THNSL1: variants seen among roughly 807,000 people sequenced by gnomAD.
THNSL1 encodes threonine synthase like 1.
In THNSL1, 48 loss-of-function variants were observed where a neutral mutation model predicts 50.4. The ratio of observed to expected loss-of-function variants is 0.95; its 90% CI spans 0.76 to 1.21. The LOEUF is 1.21. Among genes scored for constraint, THNSL1 ranks in the 50% most tolerant of loss-of-function variants. THNSL1 has a pLI of 0.00. For missense variants in THNSL1, 896 were observed against 871.7 expected (o/e 1.03, Z -0.35); for synonymous variants, 309 against 306.1 (o/e 1.01, Z -0.10).
the THNSL1 span, among the ~76,000 whole-genome samples, chr10:24,974,947 A>T: frequency 6.6e-6 from 1 of 152,214 alleles, no homozygotes; most frequent in African/African-American, 2.4e-5. Flanking sequence ...TGTTTATACC[A>T]TCTATACCTA....
At chr10:24,999,781 A>T in the THNSL1 span, among the ~76,000 whole-genome samples, 1 of 152,278 alleles carries the variant, frequency 6.6e-6, no homozygotes, top group African/African-American at 2.4e-5. Context: ...TTTCCTTATT[A>T]TCCTTTGAAC....
At chr10:24,988,277 T>C in the THNSL1 span, among the ~76,000 whole-genome samples, 8 of 142,820 alleles carry the variant, frequency 5.6e-5, no homozygotes, top group Admixed American at 5.6e-4. Context: ...TATATATATG[T>C]GTATATATAT....
upstream of THNSL1, chr10:25,016,056 G>C: frequency 7.0e-7 from 1 of 1,435,842 alleles, no homozygotes; most frequent in Non-Finnish European, 9.2e-7. Flanking sequence ...AAGGACCACA[G>C]GTTCTCTCCT....
At chr10:25,001,526 A>G in the THNSL1 span, among the ~76,000 whole-genome samples, 1 of 151,948 alleles carries the variant, frequency 6.6e-6, no homozygotes, top group Non-Finnish European at 1.5e-5. Flanking sequence ...GATATTGTTC[A>G]AGCCTCATTG....
chr10:25,016,054 CA>C, upstream of THNSL1: 2 of 1,447,700 alleles, frequency 1.4e-6, no homozygotes, highest in Non-Finnish European at 1.8e-6. Context: ...TGAAGGACCA[CA>C]GGTTCTCTCC....
At chr10:25,013,719 G>A (rs369141888), upstream of THNSL1, among the ~76,000 whole-genome samples, 2 of 152,270 alleles carry the variant, frequency 1.3e-5, no homozygotes, top group East Asian at 3.9e-4. Flanking sequence ...GAGGTGGGTG[G>A]ATTACTGGAG....
intron 1 of THNSL1, among the ~76,000 whole-genome samples, chr10:25,018,241 A>T (rs920423324): frequency 2.6e-5 from 4 of 152,206 alleles, no homozygotes; most frequent in African/African-American, 7.2e-5. Context: ...TTGATCTGCA[A>T]TTCTCCTTGC....
At chr10:24,979,879 G>GC in the THNSL1 span, among the ~76,000 whole-genome samples, 1 of 151,658 alleles carries the variant, frequency 6.6e-6, no homozygotes, top group South Asian at 2.1e-4. Flanking sequence ...TGGCGGCCCC[G>GC]CCCCCGCCTC....
the THNSL1 span, among the ~76,000 whole-genome samples, chr10:25,003,722 T>C: frequency 6.6e-6 from 1 of 152,336 alleles, no homozygotes; most frequent in South Asian, 2.1e-4. Context: ...AGATTTGTTA[T>C]ATAGGTAAAC....
the THNSL1 span, chr10:24,953,325 G>A: frequency 1.3e-5 from 2 of 152,232 alleles, no homozygotes; most frequent in African/African-American, 4.8e-5. Context: ...GGGTGGCCCG[G>A]ATCTGCAGTG....
the THNSL1 span, among the ~76,000 whole-genome samples, chr10:24,954,138 TTCAC>T: frequency 6.6e-6 from 1 of 152,170 alleles, no homozygotes; most frequent in African/African-American, 2.4e-5. Context: ...AGGAACCATA[TTCAC>T]AAGCAACATC....
At chr10:25,015,764 T>C, upstream of THNSL1, 1 of 1,148,478 alleles carries the variant, frequency 8.7e-7, no homozygotes, top group Non-Finnish European at 1.2e-6. Flanking sequence ...AAAATACATT[T>C]TATTTATTAT....
the THNSL1 span, among the ~76,000 whole-genome samples, chr10:24,977,495 T>C: frequency 1.3e-5 from 2 of 152,216 alleles, no homozygotes; most frequent in African/African-American, 2.4e-5. Context: ...GCTCATTCAC[T>C]GCAACATTGC....
the THNSL1 span, among the ~76,000 whole-genome samples, chr10:24,973,137 A>T: frequency 6.6e-6 from 1 of 152,192 alleles, no homozygotes; most frequent in African/African-American, 2.4e-5. Context: ...TATTAAGTCC[A>T]TAACTTTCAC....
chr10:25,007,318 T>G, the THNSL1 span, among the ~76,000 whole-genome samples: 1 of 152,230 alleles, frequency 6.6e-6, no homozygotes, highest in Non-Finnish European at 1.5e-5. Context: ...TAAGGAGTAT[T>G]GTTGTCATAT....
chr10:24,977,342 A>G, the THNSL1 span, among the ~76,000 whole-genome samples: 2 of 152,204 alleles, frequency 1.3e-5, no homozygotes, highest in Non-Finnish European at 2.9e-5. Context: ...TGTGAAAGGG[A>G]CACGAGAAAG....
chr10:24,988,878 C>T, the THNSL1 span, among the ~76,000 whole-genome samples: 1 of 151,644 alleles, frequency 6.6e-6, no homozygotes, highest in Non-Finnish European at 1.5e-5. Context: ...CAACTCTTGC[C>T]TAGGGAAGGA....
chr10:24,978,680 C>T, the THNSL1 span, among the ~76,000 whole-genome samples: 3,751 of 152,216 alleles, frequency 0.025, 162 homozygotes, highest in African/African-American at 0.085. Flanking sequence ...TTCTTTCTAG[C>T]TTGTCAAATG....
the THNSL1 span, among the ~76,000 whole-genome samples, chr10:25,000,958 T>C: frequency 6.6e-6 from 1 of 152,122 alleles, no homozygotes; most frequent in South Asian, 2.1e-4. Context: ...GCATTTAACA[T>C]GTGGTATGAG....
Sources: gnomAD v4.1 joint callset for allele counts (sites outside exome capture counted in the v4.1 genomes callset) on GRCh38, gnomAD v4.1.1 for gene constraint, MANE v1.5 for transcripts, NCBI Gene and HGNC (gene_info 2026-07-23, HGNC 2026-07-21) for gene names.